CTNNA2: variants seen among roughly 807,000 people sequenced by gnomAD.
CTNNA2 encodes the protein catenin alpha 2, also known as catenin alpha-2.
A neutral mutation model predicts 101.0 loss-of-function variants in CTNNA2; 42 were observed. The observed-to-expected ratio is 0.42, with a 90% CI of 0.32 to 0.54. The LOEUF is 0.54. Ranked by LOEUF, CTNNA2 falls within the 20% of genes least tolerant of loss-of-function variation. The pLI, the probability that CTNNA2 is intolerant of heterozygous loss-of-function variation, is 0.14. For missense variants in CTNNA2, 871 were observed against 1,223.1 expected (o/e 0.71, Z 4.29); for synonymous variants, 450 against 456.4 (o/e 0.99, Z 0.18).
At position 79,794,566 on chromosome 2, in the gene CTNNA2, A is replaced by G. The variant is rs186199681; in HGVS notation, c.298+49984A>G. ...CTGCCTTTTCTTTCTTTCTTTATTT[A>G]TTTTGCAGTAACAAAACTTATCATA... On this transcript the variant is annotated intron_variant, in intron 3 of 18. Coordinates refer to ENST00000402739, the MANE Select transcript of CTNNA2 (RefSeq NM_001282597.3). Among the ~76,000 whole-genome samples, 3 of 152,102 alleles carry G rather than the reference A, an allele frequency of 2.0e-5. No individual in the cohort carries two copies. In the South Asian group the frequency reaches 6.2e-4, roughly 32 times the overall value.
chr2:80,635,750 C>T lies in CTNNA2; in HGVS notation c.2575-11835C>T, dbSNP rs3821074. On this transcript the variant is annotated intron_variant, in intron 18 of 18. Transcript: ENST00000402739. ...TGGTTTTATGATGATTGCTAACTCT[C>T]ATCAATTGCTAGTGTTTGACTGAGC... 7.2e-3 allele frequency among the ~76,000 whole-genome samples: 1,091 copies of T among 151,860 alleles called. 46 individuals carry two copies. The highest frequency in any genetic ancestry group is 0.055 in the Admixed American group (831 of 15,176).
chr2:79,332,948 GA>G (rs11427153), intron 3 of CTNNA2, among the ~76,000 whole-genome samples: 6,758 of 151,048 alleles, frequency 0.045, 366 homozygotes, highest in African/African-American at 0.12. Context: ...GCTCTAAATG[GA>G]AAAAAAAATC....
intron 2 of CTNNA2, chr2:79,698,014 C>G (rs1404581383): frequency 1.3e-5 from 2 of 151,956 alleles, no homozygotes; most frequent in Non-Finnish European, 1.5e-5. Flanking sequence ...TATAGCAATT[C>G]TAAACAGTAT....
chr2:80,344,802 T>C (rs1672581079), intron 7 of CTNNA2, among the ~76,000 whole-genome samples: 1 of 152,156 alleles, frequency 6.6e-6, no homozygotes, highest in Admixed American at 6.5e-5. Flanking sequence ...ACTAAATTAG[T>C]GACCATCCCT....
chr2:79,993,413 G>C (rs1017193888), intron 7 of CTNNA2, among the ~76,000 whole-genome samples: 1 of 151,694 alleles, frequency 6.6e-6, no homozygotes, highest in Non-Finnish European at 1.5e-5. Context: ...TTCAGACTTT[G>C]TTTGGTCTAA....
chr2:79,537,131 C>A (rs1268377622), intron 1 of CTNNA2, among the ~76,000 whole-genome samples: 5 of 152,070 alleles, frequency 3.3e-5, no homozygotes, highest in Non-Finnish European at 2.9e-5. Context: ...CTTAAACCAC[C>A]CCCCATTGAA....
chr2:79,924,793 T>C (rs1371481017), intron 7 of CTNNA2, among the ~76,000 whole-genome samples: 1 of 152,116 alleles, frequency 6.6e-6, no homozygotes, highest in Non-Finnish European at 1.5e-5. Context: ...CACTCTGTTG[T>C]ATTTGATTGT....
intron 3 of CTNNA2, among the ~76,000 whole-genome samples, chr2:79,333,606 G>A (rs566940758): frequency 2.0e-5 from 3 of 152,086 alleles, no homozygotes; most frequent in African/African-American, 7.2e-5. Context: ...TGATGATATA[G>A]TCAAAGACCC....
intron 7 of CTNNA2, among the ~76,000 whole-genome samples, chr2:80,353,803 A>T (rs1293110953): frequency 6.6e-6 from 1 of 152,184 alleles, no homozygotes; most frequent in African/African-American, 2.4e-5. Context: ...AAAATGTGAC[A>T]TTATTTAGTG....
chr2:80,424,400 G>T (rs1171892894), intron 9 of CTNNA2, among the ~76,000 whole-genome samples: 1 of 152,220 alleles, frequency 6.6e-6, no homozygotes, highest in Non-Finnish European at 1.5e-5. Context: ...TTTGAAAATG[G>T]AGACAGACTT....
At chr2:79,794,668 T>G (rs746023312) in intron 3 of CTNNA2, among the ~76,000 whole-genome samples, 1 of 152,212 alleles carries the variant, frequency 6.6e-6, no homozygotes, top group Non-Finnish European at 1.5e-5. Flanking sequence ...ACAGTAGATC[T>G]CCATAACTTA....
chr2:79,635,172 G>T (rs1161272411), intron 1 of CTNNA2, among the ~76,000 whole-genome samples: 1 of 152,170 alleles, frequency 6.6e-6, no homozygotes, highest in African/African-American at 2.4e-5. Flanking sequence ...GGTGCTGATA[G>T]AATTTATTAG....
intron 7 of CTNNA2, among the ~76,000 whole-genome samples, chr2:80,284,082 C>G (rs1674579084): frequency 6.6e-6 from 1 of 152,080 alleles, no homozygotes; most frequent in East Asian, 1.9e-4. Context: ...GCAGCAGTGG[C>G]AGCAAGAAGC....
chr2:80,146,694 T>C (rs1356487358), intron 7 of CTNNA2, among the ~76,000 whole-genome samples: 1 of 145,460 alleles, frequency 6.9e-6, no homozygotes, highest in African/African-American at 2.5e-5. Context: ...TTTTCTGAAG[T>C]AGGAAGTCCC....
chr2:79,912,925 T>G (rs1205215233), intron 7 of CTNNA2, among the ~76,000 whole-genome samples: 1 of 152,200 alleles, frequency 6.6e-6, no homozygotes, highest in Non-Finnish European at 1.5e-5. Flanking sequence ...TTTATGGGTT[T>G]TATTAATAAG....
chr2:79,421,237 A>G (rs1224224703), intron 4 of CTNNA2, among the ~76,000 whole-genome samples: 2 of 152,234 alleles, frequency 1.3e-5, no homozygotes, highest in Non-Finnish European at 2.9e-5. Flanking sequence ...TAAAACAAAG[A>G]ATGAGATATG....
chr2:80,212,854 TG>T (rs1321307591), intron 7 of CTNNA2, among the ~76,000 whole-genome samples: 3 of 152,180 alleles, frequency 2.0e-5, no homozygotes, highest in African/African-American at 7.2e-5. Context: ...GGAATTTTTT[TG>T]GTTGGTAGGC....
At position 80,500,146 on chromosome 2, in the gene CTNNA2, C is replaced by T. The variant is rs1486128720; in HGVS notation, c.1291-44836C>T. On this transcript the variant is annotated intron_variant, in intron 9 of 18. Transcript: ENST00000402739. ...TAGCATTTAGCCATATTATGCAGCC[C>T]AGAAGAATAAATAAGTAGATACTTT... is the stretch of plus-strand genomic sequence containing the variant. Among the ~76,000 whole-genome samples, 3 of 152,108 alleles carry T rather than the reference C, an allele frequency of 2.0e-5. No homozygotes were observed. The East Asian group carries it at 5.8e-4, about 29-fold the overall frequency.
chr2:80,101,494 A>G (rs922566056), intron 7 of CTNNA2, among the ~76,000 whole-genome samples: 11 of 152,268 alleles, frequency 7.2e-5, no homozygotes, highest in Non-Finnish European at 1.0e-4. Flanking sequence ...ACTTTCATTC[A>G]GAAACCTGAA....
Sources: gnomAD v4.1 joint callset for allele counts (sites outside exome capture counted in the v4.1 genomes callset) on GRCh38, gnomAD v4.1.1 for gene constraint, MANE v1.5 for transcripts, NCBI Gene and HGNC (gene_info 2026-07-23, HGNC 2026-07-21) for gene names.